UBE2R2: variants seen among roughly 807,000 people sequenced by gnomAD.
The protein encoded by UBE2R2 is ubiquitin-conjugating enzyme E2 R2.
A neutral mutation model predicts 27.8 loss-of-function variants in UBE2R2; 1 was observed. The observed-to-expected ratio is 0.04, with a 90% confidence interval of 0.01 to 0.17. The LOEUF (loss-of-function observed/expected upper bound fraction) is 0.17, where lower values mean the gene tolerates loss of function less well. UBE2R2 is among the 10% of genes least tolerant of loss of function. UBE2R2 has a pLI of 1.00. For synonymous variants in UBE2R2, 106 were observed against 113.3 expected (o/e 0.94, Z 0.41); for missense variants, 100 against 291.0 (o/e 0.34, Z 4.78).
intron 1 of UBE2R2, among the ~76,000 whole-genome samples, chr9:33,869,246 G>T (rs2130777605): frequency 6.6e-6 from 1 of 152,204 alleles, no homozygotes; most frequent in African/African-American, 2.4e-5. Flanking sequence ...TCCCGCCAGG[G>T]CAAGAGACCC....
intron 1 of UBE2R2, among the ~76,000 whole-genome samples, chr9:33,872,076 A>AT (rs1000379230): frequency 6.0e-5 from 9 of 151,138 alleles, no homozygotes; most frequent in East Asian, 5.8e-4. Flanking sequence ...CTCATGAATA[A>AT]TTTTTTTTTA....
chr9:33,890,351 G>T (rs1249945833), intron 2 of UBE2R2, among the ~76,000 whole-genome samples: 2 of 151,928 alleles, frequency 1.3e-5, no homozygotes, highest in East Asian at 3.9e-4. Context: ...TTGGAAGGCT[G>T]AGTTGAGGAG....
At chr9:33,818,743 C>T (rs216365) in intron 1 of UBE2R2, 147,156 of 152,174 alleles carry the variant, frequency 0.97, 71,239 homozygotes, top group Non-Finnish European at 0.99. Flanking sequence ...TGTAGGGAGA[C>T]TGATAGCTTC....
At chr9:33,879,537 T>A (rs1011966880) in intron 1 of UBE2R2, among the ~76,000 whole-genome samples, 3 of 151,920 alleles carry the variant, frequency 2.0e-5, no homozygotes, top group Admixed American at 6.6e-5. Flanking sequence ...TACTGCAGAC[T>A]CGACCTCCTG....
At chr9:33,830,007 A>G (rs1695614646) in intron 1 of UBE2R2, among the ~76,000 whole-genome samples, 1 of 151,578 alleles carries the variant, frequency 6.6e-6, no homozygotes, top group African/African-American at 2.4e-5. Context: ...ACGTTGGTCA[A>G]GCTGGTCTCG....
intron 2 of UBE2R2, 34 bp downstream of exon 2, chr9:33,887,001 A>AT (rs748845797): frequency 4.6e-3 from 6,130 of 1,327,356 alleles, no homozygotes; most frequent in Non-Finnish European, 5.0e-3. Flanking sequence ...TTCTCTGAAG[A>AT]TTTTTTTTTT....
chr9:33,883,320 T>C (rs1821773994), intron 1 of UBE2R2, among the ~76,000 whole-genome samples: 1 of 152,106 alleles, frequency 6.6e-6, no homozygotes, highest in African/African-American at 2.4e-5. Context: ...AAGGACTCAG[T>C]CCCACAAGAA....
upstream of UBE2R2, among the ~76,000 whole-genome samples, chr9:33,816,208 T>C (rs368329843): frequency 6.6e-6 from 1 of 152,158 alleles, no homozygotes; most frequent in Non-Finnish European, 1.5e-5. Context: ...TTCTAGGAAA[T>C]GTTTTTTAGG....
intron 1 of UBE2R2, among the ~76,000 whole-genome samples, chr9:33,861,997 G>C (rs943015617): frequency 6.6e-6 from 1 of 151,764 alleles, no homozygotes; most frequent in Non-Finnish European, 1.5e-5. Context: ...GGGATTATAG[G>C]CGCCTGCCAC....
At chr9:33,865,694 A>G (rs1203653630) in intron 1 of UBE2R2, among the ~76,000 whole-genome samples, 2 of 152,216 alleles carry the variant, frequency 1.3e-5, no homozygotes, top group African/African-American at 2.4e-5. Flanking sequence ...TAATATAACT[A>G]TGTAAATAAT....
chr9:33,915,173 G>GGACTAAACT (rs1822613657), intron 4 of UBE2R2, among the ~76,000 whole-genome samples: 3 of 151,924 alleles, frequency 2.0e-5, no homozygotes, highest in Admixed American at 1.3e-4. Flanking sequence ...GGACCAACAT[G>GGACTAAACT]GACTAAACTG....
intron 1 of UBE2R2, among the ~76,000 whole-genome samples, chr9:33,865,245 A>G (rs1821335122): frequency 6.6e-6 from 1 of 151,884 alleles, no homozygotes; most frequent in Non-Finnish European, 1.5e-5. Flanking sequence ...TCTGTTGCCC[A>G]GGCTGGAGTG....
At chr9:33,900,702 T>C (rs1431426265) in intron 3 of UBE2R2, among the ~76,000 whole-genome samples, 1 of 152,090 alleles carries the variant, frequency 6.6e-6, no homozygotes, top group Non-Finnish European at 1.5e-5. Context: ...TACATATAAA[T>C]ATATATCTAT....
intron 3 of UBE2R2, among the ~76,000 whole-genome samples, chr9:33,911,354 A>C (rs1302857529): frequency 7.4e-6 from 1 of 134,480 alleles, no homozygotes; most frequent in Non-Finnish European, 1.5e-5. Flanking sequence ...GGAGGTTGCG[A>C]TCACACCATT....
chr9:33,897,650 GT>G (rs1371114532), intron 2 of UBE2R2, among the ~76,000 whole-genome samples: 1 of 151,736 alleles, frequency 6.6e-6, no homozygotes, highest in Non-Finnish European at 1.5e-5. Context: ...CCCATAGGTT[GT>G]TTAAATTGTT....
At chr9:33,823,787 T>C (rs1820229994) in intron 1 of UBE2R2, among the ~76,000 whole-genome samples, 1 of 152,234 alleles carries the variant, frequency 6.6e-6, no homozygotes, top group Non-Finnish European at 1.5e-5. Context: ...ATTTTATGTA[T>C]CTTTTTCAGA....
At chr9:33,825,804 A>G (rs1820303402) in intron 1 of UBE2R2, among the ~76,000 whole-genome samples, 1 of 152,156 alleles carries the variant, frequency 6.6e-6, no homozygotes, top group Non-Finnish European at 1.5e-5. Context: ...ATGTTTCTGA[A>G]CTTCTTTTGA....
intron 1 of UBE2R2, among the ~76,000 whole-genome samples, chr9:33,881,537 C>T (rs1821732345): frequency 1.3e-5 from 2 of 152,138 alleles, no homozygotes; most frequent in African/African-American, 2.4e-5. Flanking sequence ...ATTTAGTTGT[C>T]CCGTCTTTTT....
intron 1 of UBE2R2, among the ~76,000 whole-genome samples, chr9:33,819,721 C>A (rs1825932798): frequency 6.6e-6 from 1 of 152,142 alleles, no homozygotes; most frequent in Non-Finnish European, 1.5e-5. Context: ...TCACTGCAAC[C>A]TCCGCCTCCC....
Sources: gnomAD v4.1 joint callset for allele counts (sites outside exome capture counted in the v4.1 genomes callset) on GRCh38, gnomAD v4.1.1 for gene constraint, MANE v1.5 for transcripts, NCBI Gene and HGNC (gene_info 2026-07-23, HGNC 2026-07-21) for gene names.